Variants in USP7 observed in about 807,000 individuals in gnomAD.
The protein encoded by USP7 is ubiquitin C-terminal hydrolase 7.
In USP7, 9 loss-of-function variants were observed where a neutral mutation model predicts 162.9. The ratio of observed to expected loss-of-function variants is 0.06; its 90% CI spans 0.03 to 0.10. The LOEUF (loss-of-function observed/expected upper bound fraction) is 0.10, where lower values mean the gene tolerates loss of function less well. Among genes scored for constraint, USP7 ranks in the 10% least tolerant of loss-of-function variants. The probability of loss-of-function intolerance (pLI) is 1.00; values close to 1 mark genes in which losing one functional copy is unlikely to be tolerated. For missense variants in USP7, 715 were observed against 1,373.7 expected, an observed-to-expected ratio of 0.52 and a Z score of 7.58; for synonymous variants, 562 against 475.9, an observed-to-expected ratio of 1.18 and a Z score of -2.35.
chr16:8,924,586 T>TC (rs1414149124), intron 2 of USP7, among the ~76,000 whole-genome samples: 1 of 152,156 alleles, frequency 6.6e-6, no homozygotes, highest in East Asian at 1.9e-4. Context: ...AAGAACATCC[T>TC]CCCATCCTTC....
At chr16:8,915,548 TA>T (rs759285520) in intron 8 of USP7, 23 bp from the exon 9 acceptor site, 10 of 1,608,978 alleles carry the variant, frequency 6.2e-6, no homozygotes, top group Admixed American at 1.7e-5. Flanking sequence ...GTTTTGGCTT[TA>T]AAAAAACTTT....
rs575387932 is a variant in USP7 at position 8,941,263 on chromosome 16, A to G, written c.80-10866T>C. 2.0e-5 allele frequency among the ~76,000 whole-genome samples: 3 copies of G among 152,348 alleles called. No homozygotes were observed. In the East Asian group the frequency reaches 5.8e-4, roughly 29 times the overall value. ...AACATGAACCTAAGTGGAAAAATTA[A>G]CTATGCTCAAACATAACCCTGAAAG... On this transcript the variant is annotated intron_variant, in intron 1 of 30. Coordinates refer to ENST00000344836, the MANE Select transcript of USP7 (RefSeq NM_003470.3).
In USP7 at chr16:8,963,224, T is replaced by A. The variant is rs919912952; in HGVS notation, c.62A>T (p.Glu21Val). The change falls in exon 1 of 31, where the codon GAG becomes GTG. Residue 21 changes from glutamate (E) to valine (V), a missense_variant. Glu to Val is a moderately radical substitution (Grantham distance 121, BLOSUM62 -2). Coordinates refer to ENST00000344836, the MANE Select transcript of USP7 (RefSeq NM_003470.3). The stretch of plus-strand genomic sequence containing the variant: ...GGCCTCACCTTCCATCTCCATGTCC[T>A]CGGGCTCGCTCAACTGCTGCTCGCC... ...KAGEQQLSEP[E>V]DMEMEAGDTD... 2 of 1,407,866 alleles carry A rather than the reference T, an allele frequency of 1.4e-6. No individual in the cohort carries two copies. Among genetic ancestry groups the A allele is most frequent in the Non-Finnish European group, 1.9e-6 (2 of 1,071,112 alleles). 87.2% of individuals were successfully genotyped at this position (1,407,866 alleles called of 1,614,324 possible).
intron 26 of USP7, among the ~76,000 whole-genome samples, chr16:8,896,034 A>C (rs1040637408): frequency 7.3e-5 from 11 of 151,488 alleles, no homozygotes; most frequent in African/African-American, 1.5e-4. Flanking sequence ...ACGGGGTTTC[A>C]CCATGTTGGT....
intron 3 of USP7, among the ~76,000 whole-genome samples, chr16:8,921,524 T>C (rs1897689054): frequency 6.6e-6 from 1 of 152,266 alleles, no homozygotes; most frequent in South Asian, 2.1e-4. Context: ...GTTTCATTTT[T>C]TAATTCCTTA....
At chr16:8,938,684 T>C (rs1898889268) in intron 1 of USP7, among the ~76,000 whole-genome samples, 3 of 148,942 alleles carry the variant, frequency 2.0e-5, no homozygotes, top group Admixed American at 6.7e-5. Context: ...GCACTCCAGC[T>C]TGGGTAACAC....
At chr16:8,906,994 T>G (rs948139906) in intron 12 of USP7, among the ~76,000 whole-genome samples, 2 of 152,258 alleles carry the variant, frequency 1.3e-5, no homozygotes, top group African/African-American at 4.8e-5. Flanking sequence ...CTACAAATTT[T>G]GATTTACTTG....
chr16:8,960,117 C>T (rs1899954075), intron 1 of USP7, among the ~76,000 whole-genome samples: 1 of 152,236 alleles, frequency 6.6e-6, no homozygotes, highest in African/African-American at 2.4e-5. Context: ...CCTAGACTTC[C>T]ATGGCCACCA....
At chr16:8,960,057 C>A (rs1282280167) in intron 1 of USP7, among the ~76,000 whole-genome samples, 1 of 152,258 alleles carries the variant, frequency 6.6e-6, no homozygotes, top group East Asian at 1.9e-4. Flanking sequence ...TCTACACCGA[C>A]CATCTGAGTA....
At position 8,963,643 on chromosome 16, in the gene USP7, C is replaced by A. The variant is rs1173199548; in HGVS notation, c.-358G>T. On this transcript the variant is annotated 5_prime_UTR_variant, in exon 1 of 31. Coordinates refer to ENST00000344836, the MANE Select transcript of USP7 (RefSeq NM_003470.3). The stretch of plus-strand genomic sequence containing the variant: ...CGGGGCTGCGGGGCCGCGGGCCGGC[C>A]GGGGGCGGAGGGCGGCCGGTCGGGG... 5.5e-4 allele frequency among the ~76,000 whole-genome samples: 78 copies of A among 142,470 alleles called. No homozygotes were observed. Among genetic ancestry groups the A allele is most frequent in the African/African-American group, 1.6e-3 (63 of 39,826 alleles). 93.5% of individuals were successfully genotyped at this position (142,470 alleles called of 152,430 possible). A position where few individuals can be genotyped will look rare whatever the true frequency, so the allele number is the denominator to read the frequency against.
intron 1 of USP7, among the ~76,000 whole-genome samples, chr16:8,940,016 T>G (rs888471102): frequency 6.6e-6 from 1 of 152,110 alleles, no homozygotes; most frequent in African/African-American, 2.4e-5. Context: ...AAGAATTGCT[T>G]GAACCAGGGA....
At chr16:8,929,599 G>C (rs1898201249) in intron 2 of USP7, 1 of 456,016 alleles carries the variant, frequency 2.2e-6, no homozygotes, top group Non-Finnish European at 4.4e-6. Context: ...GACAGAACAT[G>C]GTTTCATATT....
At chr16:8,963,039 G>A (rs553993733) in intron 1 of USP7, 168 bp downstream of exon 1, 3 of 476,932 alleles carry the variant, frequency 6.3e-6, no homozygotes, top group Admixed American at 5.9e-5. Flanking sequence ...CCGCGGACCC[G>A]GCATGACTTT....
At chr16:8,904,588 T>C (rs1235305998) in intron 14 of USP7, 23 bp from the exon 15 acceptor site, 1 of 1,612,408 alleles carries the variant, frequency 6.2e-7, no homozygotes, top group Non-Finnish European at 8.5e-7. Context: ...GGCATCCTCT[T>C]TGACCCCTGC....
chr16:8,898,831 G>A, intron 23 of USP7, 192 bp from the exon 24 acceptor site: 1 of 616,730 alleles, frequency 1.6e-6, no homozygotes, highest in Non-Finnish European at 2.8e-6. Context: ...AATGCTCTCT[G>A]CAATAGTGAC....
chr16:8,924,293 T>C (rs1031698945), intron 2 of USP7, among the ~76,000 whole-genome samples: 1 of 152,248 alleles, frequency 6.6e-6, no homozygotes, highest in African/African-American at 2.4e-5. Flanking sequence ...CACCAATCTG[T>C]TATTGACCAA....
chr16:8,952,061 T>C (rs1274825746), intron 1 of USP7, among the ~76,000 whole-genome samples: 2 of 72,816 alleles, frequency 2.7e-5, no homozygotes, highest in African/African-American at 8.9e-5. Context: ...GGAGGGTGTT[T>C]AAATAAAAAA....
rs915359604 is a variant in USP7 at position 8,903,274 on chromosome 16, C to T, written c.1833G>A (p.Gln611=). Residue 611 remains glutamine (Q), a synonymous_variant, in exon 16 of 31, where the codon CAG becomes CAA. Transcript: ENST00000344836. ...SLAEFVQSLS[Q]TMGFPQDQIR... ...CCACGGGACCGGTACGCACCATGGT[C>T]TGAGAGAGGCTCTGAACAAACTCAG... 4.3e-6 allele frequency: 7 copies of T among 1,613,548 alleles called. No individual in the cohort carries two copies. Among genetic ancestry groups the T allele is most frequent in the Non-Finnish European group, 5.9e-6 (7 of 1,179,792 alleles).
intron 1 of USP7, among the ~76,000 whole-genome samples, chr16:8,951,476 G>A (rs757817893): frequency 7.2e-5 from 11 of 151,990 alleles, no homozygotes; most frequent in Non-Finnish European, 1.0e-4. Flanking sequence ...CACCCACCTC[G>A]CCCTGAGCCA....
Sources: gnomAD v4.1 joint callset for allele counts (sites outside exome capture counted in the v4.1 genomes callset) on GRCh38, gnomAD v4.1.1 for gene constraint, MANE v1.5 for transcripts, NCBI Gene and HGNC (gene_info 2026-07-23, HGNC 2026-07-21) for gene names.